Variants in SYN2 observed in about 807,000 individuals in gnomAD.
The protein encoded by SYN2 is synapsin II.
SYN2 carries 19 observed loss-of-function variants against 50.9 expected under a neutral mutation model. The ratio of observed to expected loss-of-function variants is 0.37; its 90% CI spans 0.26 to 0.55. The LOEUF is 0.55. Among genes scored for constraint, SYN2 ranks in the 20% least tolerant of loss-of-function variants. The probability of loss-of-function intolerance (pLI) is 0.81; values close to 1 mark genes in which losing one functional copy is unlikely to be tolerated. For missense variants in SYN2, 587 were observed against 576.4 expected (o/e 1.02, Z -0.19); for synonymous variants, 255 against 224.9 (o/e 1.13, Z -1.20).
At chr3:12,126,096 A>G (rs1696664078) in intron 1 of SYN2, among the ~76,000 whole-genome samples, 1 of 152,204 alleles carries the variant, frequency 6.6e-6, no homozygotes, top group South Asian at 2.1e-4. Flanking sequence ...TTTTAGCTGT[A>G]TTTTAGGAAA....
chr3:12,170,943 G>T (rs1163883236), intron 10 of SYN2, among the ~76,000 whole-genome samples: 1 of 152,214 alleles, frequency 6.6e-6, no homozygotes, highest in East Asian at 1.9e-4. Flanking sequence ...TGATAAGTCA[G>T]TTCCTTCTCT....
At chr3:12,173,892 A>G (rs1444853698) in intron 10 of SYN2, among the ~76,000 whole-genome samples, 2 of 152,162 alleles carry the variant, frequency 1.3e-5, no homozygotes, top group Non-Finnish European at 2.9e-5. Context: ...TGGGTGACAG[A>G]GCAGGACTGT....
intron 5 of SYN2, among the ~76,000 whole-genome samples, chr3:12,156,631 A>C (rs956150553): frequency 1.3e-5 from 2 of 152,214 alleles, no homozygotes; most frequent in Non-Finnish European, 2.9e-5. Flanking sequence ...GAACTCTTAC[A>C]TTTAAAGGGA....
intron 1 of SYN2, chr3:12,070,748 T>C: frequency 1.3e-6 from 1 of 761,972 alleles, no homozygotes; most frequent in Non-Finnish European, 2.2e-6. Context: ...GCCTAAGCCC[T>C]CCCCCATGCC....
At chr3:12,173,493 T>C (rs892588716) in intron 10 of SYN2, among the ~76,000 whole-genome samples, 1 of 152,196 alleles carries the variant, frequency 6.6e-6, no homozygotes, top group Non-Finnish European at 1.5e-5. Flanking sequence ...CCACCATCAA[T>C]TTCTCTTTTT....
At chr3:12,089,102 T>C (rs1322718504) in intron 1 of SYN2, among the ~76,000 whole-genome samples, 1 of 152,244 alleles carries the variant, frequency 6.6e-6, no homozygotes, top group Non-Finnish European at 1.5e-5. Flanking sequence ...CATATACACA[T>C]ATCAAGACAT....
chr3:12,182,053 CTCCCAAA>C (rs2124829873), intron 10 of SYN2, among the ~76,000 whole-genome samples: 1 of 152,302 alleles, frequency 6.6e-6, no homozygotes, highest in Non-Finnish European at 1.5e-5. Context: ...CCCAGCTGCT[CTCCCAAA>C]TCCTCTCAGT....
chr3:12,087,674 G>T (rs1695733975), intron 1 of SYN2, among the ~76,000 whole-genome samples: 1 of 151,988 alleles, frequency 6.6e-6, no homozygotes, highest in Admixed American at 6.6e-5. Context: ...GATCACTTGA[G>T]CCCAGGAGGT....
chr3:12,010,753 G>A (rs147347316), intron 1 of SYN2, among the ~76,000 whole-genome samples: 2 of 152,308 alleles, frequency 1.3e-5, no homozygotes, highest in East Asian at 1.9e-4. Context: ...GGTAATGCCT[G>A]TAAATCTTTG....
chr3:12,086,130 A>T (rs1424490494), intron 1 of SYN2, among the ~76,000 whole-genome samples: 1 of 152,178 alleles, frequency 6.6e-6, no homozygotes, highest in African/African-American at 2.4e-5. Context: ...TAAGCAGAAG[A>T]AATAAATTCC....
intron 1 of SYN2, among the ~76,000 whole-genome samples, chr3:12,061,498 A>G (rs184382455): frequency 3.9e-4 from 60 of 152,250 alleles, no homozygotes; most frequent in Admixed American, 3.9e-3. Flanking sequence ...TGAGGTAAAG[A>G]TGTCTTCTGT....
In SYN2 at chr3:12,103,285, G is replaced by A. The variant is rs200039129; in HGVS notation, c.378-37366G>A. Among the ~76,000 whole-genome samples, 12 of 152,092 alleles carry A rather than the reference G, an allele frequency of 7.9e-5. No homozygotes were observed. In the East Asian group the frequency reaches 2.3e-3, roughly 30 times the overall value. On this transcript the variant is annotated intron_variant, in intron 1 of 12. Transcript: ENST00000621198. ...TTTGTTTAAGGAACTTAAGGAATAA[G>A]GAAGATAATCCCAGAAGGAAAATCT...
intron 1 of SYN2, among the ~76,000 whole-genome samples, chr3:12,139,385 A>T (rs1259704384): frequency 1.3e-5 from 2 of 152,158 alleles, no homozygotes; most frequent in African/African-American, 4.8e-5. Flanking sequence ...CCGTTTTTGT[A>T]GTGGTGTGAG....
chr3:12,181,992 A>G (rs745994370), intron 10 of SYN2, among the ~76,000 whole-genome samples: 2 of 152,232 alleles, frequency 1.3e-5, no homozygotes, highest in Non-Finnish European at 2.9e-5. Flanking sequence ...GGGTTATGGT[A>G]GAATGGGCAC....
At chr3:12,043,519 A>G (rs1198133901) in intron 1 of SYN2, among the ~76,000 whole-genome samples, 2 of 152,210 alleles carry the variant, frequency 1.3e-5, no homozygotes, top group African/African-American at 4.8e-5. Flanking sequence ...TGTGGTAGGC[A>G]TTATTTATCC....
intron 1 of SYN2, among the ~76,000 whole-genome samples, chr3:12,057,263 A>G (rs554294199): frequency 2.0e-5 from 3 of 148,084 alleles, no homozygotes; most frequent in African/African-American, 5.1e-5. Flanking sequence ...CTGCACTCCA[A>G]CCTGGGCGAC....
intron 1 of SYN2, among the ~76,000 whole-genome samples, chr3:12,034,175 A>ACACTGTGGAAAGTG (rs1694443701): frequency 1.3e-5 from 2 of 152,148 alleles, no homozygotes; most frequent in Non-Finnish European, 2.9e-5. Flanking sequence ...CTTTCTTCAC[A>ACACTGTGGAAAGTG]TCCTCAGTGA....
At chr3:12,179,102 C>T (rs1411167200) in intron 10 of SYN2, among the ~76,000 whole-genome samples, 1 of 152,200 alleles carries the variant, frequency 6.6e-6, no homozygotes, top group African/African-American at 2.4e-5. Flanking sequence ...GAGTCTTGAG[C>T]TTCACCAGCT....
chr3:12,101,811 G>A (rs1696083627), intron 1 of SYN2, among the ~76,000 whole-genome samples: 1 of 152,132 alleles, frequency 6.6e-6, no homozygotes, highest in Admixed American at 6.5e-5. Context: ...TATTGGGACA[G>A]TATATTTGTG....
Sources: allele counts gnomAD v4.1 joint callset (sites outside exome capture counted in the v4.1 genomes callset), GRCh38; gene constraint gnomAD v4.1.1; transcripts MANE v1.5; gene names NCBI Gene and HGNC (gene_info 2026-07-23, HGNC 2026-07-21).